SLC13A1: variants seen among roughly 807,000 people sequenced by gnomAD.
SLC13A1 encodes the protein solute carrier family 13 member 1.
In SLC13A1, 65 loss-of-function variants were observed where a neutral mutation model predicts 70.0. The observed-to-expected ratio is 0.93, with a 90% CI of 0.76 to 1.14. The LOEUF is 1.14. Ranked by LOEUF, SLC13A1 falls within the 50% of genes most tolerant of loss-of-function variation. The pLI, the probability that SLC13A1 is intolerant of heterozygous loss-of-function variation, is 0.00. For synonymous variants in SLC13A1, 275 were observed against 250.5 expected (o/e 1.10, Z -0.92); for missense variants, 726 against 717.8 (o/e 1.01, Z -0.13).
chr7:123,139,722 T>C (rs1165067238), intron 7 of SLC13A1, among the ~76,000 whole-genome samples: 3 of 152,240 alleles, frequency 2.0e-5, no homozygotes, highest in African/African-American at 4.8e-5. Context: ...TTATTCACTG[T>C]TGGTATATAC....
Position 123,128,915 on chromosome 7 carries a change from T to G in SLC13A1, c.1063A>C (p.Ile355Leu). 6.2e-7 allele frequency: 1 copy of G among 1,613,438 alleles called. No homozygotes were observed. Among genetic ancestry groups the G allele is most frequent in the South Asian group, 1.1e-5 (1 of 91,050 alleles). The part of the protein sequence containing the change: ...YQEIVTLVLF[I>L]IMALLWFSRD... ...CTAAACCATAGCAGAGCCATTATAA[T>G]GAAGAGGACCAAGGTCACAATTTCT... The change falls in exon 10 of 15, where the codon ATT (isoleucine) becomes CTT (leucine). Residue 355 changes from isoleucine to leucine, a missense_variant. Ile to Leu is a conservative substitution (Grantham distance 5, BLOSUM62 2). Transcript: ENST00000194130.
intron 12 of SLC13A1, among the ~76,000 whole-genome samples, chr7:123,122,539 T>C (rs1478446080): frequency 6.6e-6 from 1 of 152,132 alleles, no homozygotes; most frequent in Non-Finnish European, 1.5e-5. Flanking sequence ...GACAGACAGG[T>C]CAAATAAAGT....
Position 123,181,074 on chromosome 7 carries a change from C to A in SLC13A1, c.127G>T (p.Val43Leu). 1 of 1,612,600 alleles carries A rather than the reference C, an allele frequency of 6.2e-7. No individual in the cohort carries two copies. The highest frequency in any genetic ancestry group is 8.5e-7 in the Non-Finnish European group (1 of 1,179,040). Reference sequence around the variant, plus strand: ...TCTGTGAGCCAAAATGTGGCGACCACAAAGAGTGTGTAGGCACATTCTGCT... The same window carrying A: ...TCTGTGAGCCAAAATGTGGCGACCAAAAAGAGTGTGTAGGCACATTCTGCT... ...KEAECAYTLF[V>L]VATFWLTEAL... The change falls in exon 2 of 15, where the codon GTG becomes TTG. Residue 43 changes from valine to leucine, a missense_variant. Coordinates refer to ENST00000194130, the MANE Select transcript of SLC13A1 (RefSeq NM_022444.4).
chr7:123,169,984 G>C (rs1795213082), intron 3 of SLC13A1, among the ~76,000 whole-genome samples: 1 of 152,008 alleles, frequency 6.6e-6, no homozygotes, highest in Non-Finnish European at 1.5e-5. Flanking sequence ...GTCAAGATCT[G>C]GACACACTAC....
At chr7:123,144,320 T>C (rs992083083) in intron 7 of SLC13A1, among the ~76,000 whole-genome samples, 7 of 152,154 alleles carry the variant, frequency 4.6e-5, no homozygotes, top group African/African-American at 1.7e-4. Context: ...TAAGCAGTAA[T>C]GGAGATTTAG....
At position 123,182,921 on chromosome 7, in the gene SLC13A1, C is replaced by A. The variant is rs114396581; in HGVS notation, c.100-1820G>T. Reference sequence around the variant, plus strand: ...GAAGAATCCTCATTTTGCATTCAAACCCACCTTCACTTTGACTATAATGTC... The same window carrying A: ...GAAGAATCCTCATTTTGCATTCAAAACCACCTTCACTTTGACTATAATGTC... On this transcript the variant is annotated intron_variant, in intron 1 of 14. Coordinates refer to ENST00000194130, the MANE Select transcript of SLC13A1 (RefSeq NM_022444.4). Among the ~76,000 whole-genome samples, 59 of 152,216 alleles carry A rather than the reference C, an allele frequency of 3.9e-4. 1 individual carries two copies. The highest frequency in any genetic ancestry group is 1.4e-3 in the African/African-American group (58 of 41,548).
chr7:123,192,157 A>G (rs1253275239), intron 1 of SLC13A1, among the ~76,000 whole-genome samples: 1 of 152,166 alleles, frequency 6.6e-6, no homozygotes, highest in Non-Finnish European at 1.5e-5. Flanking sequence ...GCTAATAAAC[A>G]GCACTGGAAC....
At chr7:123,190,929 T>C (rs1795973393) in intron 1 of SLC13A1, among the ~76,000 whole-genome samples, 1 of 152,192 alleles carries the variant, frequency 6.6e-6, no homozygotes, top group African/African-American at 2.4e-5. Flanking sequence ...TTTGTTTCTC[T>C]TTTTTTGTTT....
chr7:123,166,541 C>T (rs1341202981), intron 6 of SLC13A1, among the ~76,000 whole-genome samples: 2 of 151,998 alleles, frequency 1.3e-5, no homozygotes, highest in African/African-American at 2.4e-5. Context: ...CTATCCGTCC[C>T]CCCTTCCCCC....
chr7:123,152,076 CTT>C (rs758438642), intron 6 of SLC13A1, among the ~76,000 whole-genome samples: 2 of 151,940 alleles, frequency 1.3e-5, no homozygotes, highest in Non-Finnish European at 1.5e-5. Context: ...TATATAAACA[CTT>C]ATTATCTTTT....
chr7:123,123,553 T>A (rs1003548612), intron 11 of SLC13A1, among the ~76,000 whole-genome samples: 14 of 152,204 alleles, frequency 9.2e-5, no homozygotes, highest in African/African-American at 3.1e-4. Context: ...ACTAACATCT[T>A]TGCCAACTGT....
intron 12 of SLC13A1, among the ~76,000 whole-genome samples, chr7:123,119,665 A>C (rs1164238073): frequency 6.6e-6 from 1 of 152,074 alleles, no homozygotes; most frequent in Non-Finnish European, 1.5e-5. Flanking sequence ...AGGTATTCAT[A>C]GTTACCTTTT....
At chr7:123,146,181 A>G (rs1794343786) in intron 7 of SLC13A1, among the ~76,000 whole-genome samples, 1 of 152,186 alleles carries the variant, frequency 6.6e-6, no homozygotes, top group Non-Finnish European at 1.5e-5. Context: ...TGACTATTTT[A>G]CATATGAAAA....
chr7:123,136,082 G>A (rs560150681), intron 7 of SLC13A1, among the ~76,000 whole-genome samples: 71 of 152,268 alleles, frequency 4.7e-4, no homozygotes, highest in African/African-American at 1.6e-3. Flanking sequence ...ACAACCTAAC[G>A]ACACTCAGAA....
intron 7 of SLC13A1, among the ~76,000 whole-genome samples, chr7:123,141,151 G>C (rs1425833395): frequency 6.6e-6 from 1 of 151,488 alleles, no homozygotes; most frequent in South Asian, 2.1e-4. Flanking sequence ...ATTTCCTTCT[G>C]AATTTCTTTA....
At chr7:123,171,013 T>G (rs964715866) in intron 3 of SLC13A1, among the ~76,000 whole-genome samples, 8 of 152,100 alleles carry the variant, frequency 5.3e-5, no homozygotes, top group African/African-American at 1.9e-4. Context: ...CACAGATGTG[T>G]CTACGCCCTA....
Position 123,128,965 on chromosome 7 carries a change from G to A in SLC13A1, c.1032-19C>T. 6.6e-7 allele frequency: 1 copy of A among 1,504,280 alleles called. No homozygotes were observed. Among genetic ancestry groups the A allele is most frequent in the Non-Finnish European group, 9.2e-7 (1 of 1,081,200 alleles). 93.2% of individuals were successfully genotyped at this position (1,504,280 alleles called of 1,614,324 possible). ...TTGATACCTGTGGAAAAATTCCAAT[G>A]GCATCACTTCTTATTTTCTCAGTCG... On this transcript the variant is annotated intron_variant, in intron 9 of 14. Transcript: ENST00000194130.
rs548764175 is a variant in SLC13A1, at chr7:123,171,964, A to C, written c.229-60T>G. The C allele has an allele frequency of 4.0e-6, 6 of 1,510,036 alleles. No homozygotes were observed. In the East Asian group the frequency reaches 1.4e-4, roughly 34 times the overall value. The allele number at this position is 1,510,036 out of a possible 1,614,324, so 93.5% of individuals were successfully genotyped here. A position where few individuals can be genotyped will look rare whatever the true frequency, so the allele number is the denominator to read the frequency against. On this transcript the variant is annotated intron_variant, in intron 2 of 14. Transcript: ENST00000194130. Reference sequence around the variant, plus strand: ...TGGTGGGGAAAAATAACATTGCACAAGAAAGACATTATTATGCTGCTCTTA... The same window carrying C: ...TGGTGGGGAAAAATAACATTGCACACGAAAGACATTATTATGCTGCTCTTA...
At chr7:123,134,609 C>T in intron 7 of SLC13A1, 80 bp from the exon 8 acceptor site, 1 of 1,334,990 alleles carries the variant, frequency 7.5e-7, no homozygotes, top group East Asian at 2.4e-5. Context: ...AAGCAGCAGT[C>T]CACCTCTTTC....
Sources: gnomAD v4.1 joint callset for allele counts (sites outside exome capture counted in the v4.1 genomes callset) on GRCh38, gnomAD v4.1.1 for gene constraint, MANE v1.5 for transcripts, NCBI Gene and HGNC (gene_info 2026-07-23, HGNC 2026-07-21) for gene names.